Variants in RIMS1 observed in about 807,000 individuals in gnomAD.
RIMS1 encodes regulating synaptic membrane exocytosis 1, also known as regulating synaptic membrane exocytosis protein 1.
RIMS1 carries 83 observed loss-of-function variants against 214.1 expected under a neutral mutation model. That is an observed-to-expected ratio of 0.39 (90% CI 0.32 to 0.47). The LOEUF (loss-of-function observed/expected upper bound fraction) is 0.47. Among genes scored for constraint, RIMS1 ranks in the 20% least tolerant of loss-of-function variants. The pLI is 0.99. For missense variants in RIMS1, 2,050 were observed against 2,161.8 expected, an observed-to-expected ratio of 0.95 and a Z score of 1.03; for synonymous variants, 793 against 786.8, an observed-to-expected ratio of 1.01 and a Z score of -0.13.
intron 4 of RIMS1, among the ~76,000 whole-genome samples, chr6:72,161,200 G>T (rs1378327946): frequency 2.8e-5 from 4 of 140,552 alleles, no homozygotes; most frequent in Non-Finnish European, 6.5e-5. Context: ...TTCTCTGATG[G>T]TAGTTTGTAT....
intron 29 of RIMS1, among the ~76,000 whole-genome samples, chr6:72,347,729 G>A (rs892586493): frequency 4.0e-5 from 6 of 151,834 alleles, no homozygotes; most frequent in Admixed American, 2.6e-4. Flanking sequence ...CTCTCTACAG[G>A]TGCTCTACCC....
intron 6 of RIMS1, among the ~76,000 whole-genome samples, chr6:72,230,467 G>A (rs1483477416): frequency 1.3e-5 from 2 of 151,536 alleles, no homozygotes; most frequent in Admixed American, 1.3e-4. Flanking sequence ...TATGAAATTA[G>A]AGGAATGGTT....
chr6:72,061,659 C>T (rs1827889319), intron 2 of RIMS1, among the ~76,000 whole-genome samples: 1 of 152,182 alleles, frequency 6.6e-6, no homozygotes, highest in Non-Finnish European at 1.5e-5. Flanking sequence ...GGACCCTCCT[C>T]TAGTTTTCTG....
At chr6:72,203,399 G>T (rs1331477526) in intron 6 of RIMS1, among the ~76,000 whole-genome samples, 1 of 152,138 alleles carries the variant, frequency 6.6e-6, no homozygotes, top group Admixed American at 6.6e-5. Flanking sequence ...GGTAGATTTT[G>T]GGCAGAAAGA....
chr6:72,236,390 T>C (rs1332799858), intron 8 of RIMS1, among the ~76,000 whole-genome samples: 1 of 152,168 alleles, frequency 6.6e-6, no homozygotes, highest in African/African-American at 2.4e-5. Context: ...AAAGGTGTCA[T>C]TTTCTTGCTT....
intron 17 of RIMS1, among the ~76,000 whole-genome samples, chr6:72,258,698 G>T (rs1393037225): frequency 6.6e-6 from 1 of 152,062 alleles, no homozygotes; most frequent in Non-Finnish European, 1.5e-5. Flanking sequence ...AAAACATATA[G>T]TGCTCTACTT....
chr6:72,357,032 C>G (rs1240904625), intron 29 of RIMS1, among the ~76,000 whole-genome samples: 1 of 152,122 alleles, frequency 6.6e-6, no homozygotes, highest in East Asian at 1.9e-4. Flanking sequence ...GGATCTGTGA[C>G]TACAGGATAA....
chr6:72,288,259 T>C (rs1186279923), intron 24 of RIMS1, among the ~76,000 whole-genome samples: 1 of 152,118 alleles, frequency 6.6e-6, no homozygotes, highest in African/African-American at 2.4e-5. Context: ...TTAAATAAAA[T>C]AGTAGTAATA....
intron 29 of RIMS1, among the ~76,000 whole-genome samples, chr6:72,378,184 C>G (rs1017833436): frequency 6.6e-6 from 1 of 152,138 alleles, no homozygotes; most frequent in African/African-American, 2.4e-5. Context: ...TATGCCACAT[C>G]TCTCCTAGAT....
intron 29 of RIMS1, among the ~76,000 whole-genome samples, chr6:72,386,575 A>C (rs1340464150): frequency 1.3e-5 from 2 of 151,938 alleles, no homozygotes; most frequent in East Asian, 3.9e-4. Context: ...CTCTTTCCTC[A>C]TAGCTTGTGT....
intron 4 of RIMS1, among the ~76,000 whole-genome samples, chr6:72,113,710 T>C (rs1439156137): frequency 6.6e-6 from 1 of 152,128 alleles, no homozygotes; most frequent in East Asian, 1.9e-4. Context: ...CTTCTTTAAT[T>C]CTTAATATTT....
chr6:72,307,450 G>C, intron 27 of RIMS1, 80 bp downstream of exon 27: 1 of 888,030 alleles, frequency 1.1e-6, no homozygotes, highest in East Asian at 2.7e-5. Context: ...AGAAAGCACC[G>C]AATTATATAA....
intron 2 of RIMS1, among the ~76,000 whole-genome samples, chr6:71,969,739 G>A (rs1051747387): frequency 6.6e-6 from 1 of 152,180 alleles, no homozygotes. Context: ...AACCTGTGAG[G>A]TGGAGGCTGC....
At chr6:72,248,993 A>G (rs373714244) in intron 12 of RIMS1, among the ~76,000 whole-genome samples, 2 of 152,260 alleles carry the variant, frequency 1.3e-5, no homozygotes, top group South Asian at 2.1e-4. Context: ...TTGAAAGAGG[A>G]TGGAAACCCA....
intron 2 of RIMS1, among the ~76,000 whole-genome samples, chr6:72,068,600 G>A (rs1829858292): frequency 6.6e-6 from 1 of 152,162 alleles, no homozygotes; most frequent in African/African-American, 2.4e-5. Context: ...CATCAATGAT[G>A]AACAAGAAGT....
chr6:72,323,592 A>G (rs2096282945), intron 28 of RIMS1, among the ~76,000 whole-genome samples: 1 of 151,970 alleles, frequency 6.6e-6, no homozygotes, highest in African/African-American at 2.4e-5. Flanking sequence ...CAAGTTGAAC[A>G]TGATGAAAAA....
intron 1 of RIMS1, among the ~76,000 whole-genome samples, chr6:71,910,035 A>G (rs1776418850): frequency 6.6e-6 from 1 of 152,108 alleles, no homozygotes; most frequent in East Asian, 1.9e-4. Flanking sequence ...TCTTTGTTCA[A>G]AGATCTAAAA....
intron 6 of RIMS1, among the ~76,000 whole-genome samples, chr6:72,229,434 T>C (rs2061302086): frequency 6.6e-6 from 1 of 151,940 alleles, no homozygotes; most frequent in East Asian, 1.9e-4. Context: ...GTATGATTAA[T>C]GATTAAATTT....
At chr6:72,229,779 A>G (rs1393268511) in intron 6 of RIMS1, among the ~76,000 whole-genome samples, 1 of 151,878 alleles carries the variant, frequency 6.6e-6, no homozygotes, top group African/African-American at 2.4e-5. Flanking sequence ...TGTGTATGAG[A>G]CTGTTTCCCA....
Sources: gnomAD v4.1 joint callset for allele counts (sites outside exome capture counted in the v4.1 genomes callset) on GRCh38, gnomAD v4.1.1 for gene constraint, MANE v1.5 for transcripts, NCBI Gene and HGNC (gene_info 2026-07-23, HGNC 2026-07-21) for gene names.